Variants in NOS2 observed in about 807,000 individuals in gnomAD.
NOS2 encodes the protein nitric oxide synthase 2.
NOS2 carries 96 observed loss-of-function variants against 136.0 expected under a neutral mutation model. That is an observed-to-expected ratio of 0.71 (90% confidence interval 0.60 to 0.84). The LOEUF (loss-of-function observed/expected upper bound fraction) is 0.84. Among genes scored for constraint, NOS2 ranks in the 40% least tolerant of loss-of-function variants. The pLI is 0.00. For missense variants in NOS2, 1,237 were observed against 1,496.9 expected, an observed-to-expected ratio of 0.83 and a Z score of 2.87; for synonymous variants, 539 against 587.5, an observed-to-expected ratio of 0.92 and a Z score of 1.20.
intron 14 of NOS2, 82 bp downstream of exon 14, chr17:27,772,226 G>C: frequency 2.7e-6 from 4 of 1,475,020 alleles, no homozygotes; most frequent in Non-Finnish European, 3.8e-6. Context: ...AGACATCCAG[G>C]AGTGGGGAAA....
chr17:27,791,061 GA>G (rs377136181), intron 2 of NOS2, among the ~76,000 whole-genome samples: 26 of 151,904 alleles, frequency 1.7e-4, no homozygotes, highest in Non-Finnish European at 2.9e-4. Context: ...TTTTATTATA[GA>G]AAAAAATGAC....
chr17:27,789,389 G>A (rs1240493482), intron 3 of NOS2, among the ~76,000 whole-genome samples: 2 of 152,114 alleles, frequency 1.3e-5, no homozygotes, highest in African/African-American at 2.4e-5. Context: ...TGCACCTTGG[G>A]GGCCACCACT....
chr17:27,771,287 A>G (rs1479858194), intron 14 of NOS2, among the ~76,000 whole-genome samples: 1 of 152,098 alleles, frequency 6.6e-6, no homozygotes, highest in African/African-American at 2.4e-5. Context: ...TGCCTTTCCC[A>G]TGTCTAAATG....
intron 1 of NOS2, 110 bp downstream of exon 1, chr17:27,800,229 C>T (rs1458262992): frequency 6.6e-6 from 1 of 152,228 alleles, no homozygotes; most frequent in Non-Finnish European, 1.5e-5. Flanking sequence ...GACTTTCCAA[C>T]ACCTTCTCTC....
At chr17:27,793,995 T>C (rs1015302840) in intron 2 of NOS2, among the ~76,000 whole-genome samples, 7 of 152,156 alleles carry the variant, frequency 4.6e-5, no homozygotes, top group Admixed American at 1.3e-4. Flanking sequence ...TTATTCCCCA[T>C]AAAATCGCAA....
Position 27,782,976 on chromosome 17 carries a change from AGCGTG to A in NOS2, c.593_597del (p.Pro198LeufsTer26). ...TTGGACCACTGGATCCTCCCAATGCAGCGTGGGGCATTGCGCCAGGCCTGCTTGGT... is the reference window on the plus strand; with the variant it reads ...TTGGACCACTGGATCCTCCCAATGCAGGGCATTGCGCCAGGCCTGCTTGGT... On this transcript the variant is annotated frameshift_variant, in exon 6 of 27. Transcript: ENST00000313735. LOFTEE classifies it high-confidence loss of function. The A allele has an allele frequency of 6.2e-7, 1 of 1,614,200 alleles. No homozygotes were observed. The highest frequency in any genetic ancestry group is 1.3e-5 in the African/African-American group (1 of 75,058).
chr17:27,793,408 G>A (rs1909253988), intron 2 of NOS2, among the ~76,000 whole-genome samples: 2 of 152,182 alleles, frequency 1.3e-5, no homozygotes, highest in Admixed American at 1.3e-4. Flanking sequence ...TGGGCCGCCT[G>A]GGCTCCTGAA....
chr17:27,789,067 C>T (rs898915977), intron 3 of NOS2, 136 bp from the exon 4 acceptor site: 8 of 1,233,184 alleles, frequency 6.5e-6, no homozygotes, highest in Non-Finnish European at 8.8e-6. Flanking sequence ...CTGTTTCCAG[C>T]CCCCGGGCGA....
chr17:27,775,134 AG>A (rs1313119719), intron 11 of NOS2, among the ~76,000 whole-genome samples: 4 of 152,198 alleles, frequency 2.6e-5, no homozygotes, highest in Non-Finnish European at 5.9e-5. Context: ...TAGTTCTTTA[AG>A]TTTTCTCATC....
At chr17:27,781,860 A>C (rs1263367354) in intron 7 of NOS2, among the ~76,000 whole-genome samples, 155 bp downstream of exon 7, 1 of 152,086 alleles carries the variant, frequency 6.6e-6, no homozygotes, top group East Asian at 1.9e-4. Flanking sequence ...TCACTACTGG[A>C]AGTCCCCGAA....
At chr17:27,769,951 C>T (rs1267619870) in intron 15 of NOS2, among the ~76,000 whole-genome samples, 2 of 152,212 alleles carry the variant, frequency 1.3e-5, no homozygotes, top group East Asian at 1.9e-4. Context: ...AACAATTGGT[C>T]CTACAGTCTC....
intron 15 of NOS2, among the ~76,000 whole-genome samples, chr17:27,769,985 A>C (rs1002021976): frequency 1.1e-4 from 16 of 152,252 alleles, no homozygotes; most frequent in African/African-American, 3.9e-4. Flanking sequence ...GCTTTCCAGG[A>C]AGCCAAGATG....
At chr17:27,780,698 C>T in intron 9 of NOS2, 69 bp downstream of exon 9, 1 of 1,605,964 alleles carries the variant, frequency 6.2e-7, no homozygotes, top group South Asian at 1.1e-5. Flanking sequence ...AAGGCTGGAG[C>T]CGCACTTAGG....
Position 27,760,725 on chromosome 17 carries a change from G to A in NOS2, c.2908C>T (p.Pro970Ser). 2 of 1,549,972 alleles carry A rather than the reference G, an allele frequency of 1.3e-6. No homozygotes were observed. The highest frequency in any genetic ancestry group is 1.7e-6 in the Non-Finnish European group (2 of 1,146,986). ...ATGCAAGGATGGGAGGGATCCTCGGGGAGGTGGAAGCCGCTGGCACTGAAG... is the reference window on the plus strand; with the variant it reads ...ATGCAAGGATGGGAGGGATCCTCGGAGAGGTGGAAGCCGCTGGCACTGAAG... The part of the protein sequence containing the change: ...FVRNASGFHL[P>S]EDPSHPCILI... The change falls in exon 24 of 27, where the codon CCC (proline) becomes TCC (serine). Residue 970 changes from proline to serine, a missense_variant. Physicochemically the swap from Pro to Ser is moderately conservative, Grantham distance 74. Around this residue, in one of 3 missense-constraint regions of NOS2, gnomAD observed 782 missense variants for 909.9 expected, o/e 0.86. Coordinates refer to ENST00000313735, the MANE Select transcript of NOS2 (RefSeq NM_000625.4).
intron 18 of NOS2, 61 bp downstream of exon 18, chr17:27,767,644 A>C: frequency 6.3e-7 from 1 of 1,580,748 alleles, no homozygotes; most frequent in Non-Finnish European, 8.6e-7. Flanking sequence ...CTCCTTGACC[A>C]TGGGCTTAGG....
At chr17:27,768,578 A>C (rs1264322239) in intron 17 of NOS2, among the ~76,000 whole-genome samples, 1 of 152,212 alleles carries the variant, frequency 6.6e-6, no homozygotes, top group Admixed American at 6.5e-5. Context: ...ATAAAGAGCT[A>C]TGGAGATACT....
chr17:27,780,844 C>T lies in NOS2; in HGVS notation c.927G>A (p.Leu309=). ...YGRFDVVPLV[L]QANGRDPELF... ...GCTCAGGGTCACGGCCATTGGCCTGCAGGACCAGGGGGACCACATCGAAGC... is the reference window on the plus strand; with the variant it reads ...GCTCAGGGTCACGGCCATTGGCCTGTAGGACCAGGGGGACCACATCGAAGC... The change falls in exon 9 of 27, where the codon CTG becomes CTA. Residue 309 remains leucine, a synonymous_variant. Transcript: ENST00000313735. The T allele has an allele frequency of 3.7e-6, 6 of 1,614,196 alleles. No homozygotes were observed. The highest frequency in any genetic ancestry group is 5.1e-6 in the Non-Finnish European group (6 of 1,180,024).
chr17:27,781,652 C>A (rs1446027043), intron 7 of NOS2, among the ~76,000 whole-genome samples: 3 of 152,198 alleles, frequency 2.0e-5, no homozygotes, highest in South Asian at 2.1e-4. Flanking sequence ...CTGTTCAGTC[C>A]TATTAGCTTT....
At chr17:27,786,061 C>T (rs1185005282) in intron 5 of NOS2, among the ~76,000 whole-genome samples, 1 of 150,832 alleles carries the variant, frequency 6.6e-6, no homozygotes, top group Non-Finnish European at 1.5e-5. Context: ...CTGTGGCTCA[C>T]TTTGTGTGGT....
Sources: gnomAD v4.1 joint callset for allele counts (sites outside exome capture counted in the v4.1 genomes callset) on GRCh38, gnomAD v4.1.1 for gene constraint, gnomAD v4.1.1 regional missense constraint, MANE v1.5 for transcripts, NCBI Gene and HGNC (gene_info 2026-07-23, HGNC 2026-07-21) for gene names.